FAM186A: variants seen among roughly 807,000 people sequenced by gnomAD.
FAM186A encodes the protein family with sequence similarity 186 member A, also known as protein FAM186A.
In FAM186A, 163 loss-of-function variants were observed where a neutral mutation model predicts 216.8. The ratio of observed to expected loss-of-function variants is 0.75; its 90% confidence interval spans 0.66 to 0.86. The LOEUF (loss-of-function observed/expected upper bound fraction) is 0.86. Among genes scored for constraint, FAM186A ranks in the 40% least tolerant of loss-of-function variants. FAM186A has a pLI of 0.00. For synonymous variants in FAM186A, 805 were observed against 1,025.3 expected (o/e 0.79, Z 4.10); for missense variants, 2,184 against 2,746.2 (o/e 0.80, Z 4.58).
At chr12:50,384,678 C>T (rs1281802508) in intron 1 of FAM186A, among the ~76,000 whole-genome samples, 2 of 151,870 alleles carry the variant, frequency 1.3e-5, no homozygotes, top group Non-Finnish European at 2.9e-5. Context: ...AGCAAAGATG[C>T]CAAAAACAAT....
Position 50,354,586 on chromosome 12 carries a change from G to C in FAM186A, c.2246C>G (p.Pro749Arg). The C allele has an allele frequency of 6.5e-7, 1 of 1,550,088 alleles. No individual in the cohort carries two copies. The highest frequency in any genetic ancestry group is 8.7e-7 in the Non-Finnish European group (1 of 1,146,686). ...TKKEEQVGEK[P>R]IKQKKVVSFM... is the part of the protein sequence containing the mutation. ...TGAGACTACCTTTTTTTGTTTTATA[G>C]GTTTCTCTCCAACTTGTTCTTCCTT... is the stretch of plus-strand genomic sequence containing the variant. Residue 749 changes from proline (P) to arginine (R), a missense_variant, in exon 4 of 8, where the codon CCT becomes CGT. Physicochemically the swap from Pro to Arg is moderately radical, Grantham distance 103. Coordinates refer to ENST00000327337, the MANE Select transcript of FAM186A (RefSeq NM_001145475.3).
At chr12:50,360,057 C>T (rs1248804108) in intron 3 of FAM186A, among the ~76,000 whole-genome samples, 2 of 151,924 alleles carry the variant, frequency 1.3e-5, no homozygotes, top group Non-Finnish European at 2.9e-5. Context: ...GTCTGGCCAA[C>T]ATGGTAAAAT....
rs977393943 is a variant in FAM186A at position 50,355,156 on chromosome 12, C to T, written c.1676G>A (p.Arg559His). ...KVKRESPFDK[R>H]PTAAEIKVEP... is the part of the protein sequence containing the mutation. ...CACTTTAATCTCTGCTGCAGTTGGA[C>T]GTTTGTCAAATGGAGATTCACGTTT... The change falls in exon 4 of 8, where the codon CGT becomes CAT. Residue 559 changes from arginine (R) to histidine (H), a missense_variant. Arg to His is a conservative substitution (Grantham distance 29, BLOSUM62 0). Transcript: ENST00000327337. The T allele has an allele frequency of 8.4e-6, 13 of 1,551,470 alleles. No individual in the cohort carries two copies. In the Admixed American group the frequency reaches 9.8e-5, roughly 12 times the overall value.
At chr12:50,368,324 C>T (rs964107515) in intron 1 of FAM186A, among the ~76,000 whole-genome samples, 2 of 151,520 alleles carry the variant, frequency 1.3e-5, no homozygotes, top group East Asian at 1.9e-4. Context: ...TTTCTTCACC[C>T]GGGAGGTGGA....
intron 7 of FAM186A, among the ~76,000 whole-genome samples, chr12:50,329,785 AG>A (rs1942639111): frequency 1.3e-5 from 2 of 152,144 alleles, no homozygotes; most frequent in East Asian, 1.9e-4. Flanking sequence ...TAGTAGAGAC[AG>A]GGTTTCACTA....
In FAM186A at chr12:50,354,558, A is replaced by G; in HGVS notation, c.2274T>C (p.Phe758=). ...KPIKQKKVVS[F]MPGLHFQKSP... ...ACTTCTGAAAATGCAATCCTGGCAT[A>G]AATGAGACTACCTTTTTTTGTTTTA... is the stretch of plus-strand genomic sequence containing the variant. Residue 758 remains phenylalanine, a synonymous_variant, in exon 4 of 8, where the codon TTT becomes TTC. Coordinates refer to ENST00000327337, the MANE Select transcript of FAM186A (RefSeq NM_001145475.3). The G allele has an allele frequency of 6.4e-7, 1 of 1,551,562 alleles. No homozygotes were observed.
chr12:50,354,101 C>T lies in FAM186A; in HGVS notation c.2731G>A (p.Gly911Arg). The T allele has an allele frequency of 6.4e-7, 1 of 1,551,702 alleles. No individual in the cohort carries two copies. Among genetic ancestry groups the T allele is most frequent in the South Asian group, 1.2e-5 (1 of 84,050 alleles). Residue 911 changes from glycine to arginine, a missense_variant, in exon 4 of 8, where the codon GGA becomes AGA. Gly to Arg is a moderately radical substitution (Grantham distance 125). This residue lies in a region of FAM186A where 1,132 missense variants were observed against 1,263.4 expected (regional missense o/e 0.90). Transcript: ENST00000327337. ...AEQEEKQKQR[G>R]QEEEELPKSS... ...TTTGGAAGCTCTTCTTCCTCCTGTC[C>T]TCTTTGCTTTTGCTTTTCCTCTTGC...
At chr12:50,332,546 T>G (rs1346806584) in intron 5 of FAM186A, among the ~76,000 whole-genome samples, 1 of 152,198 alleles carries the variant, frequency 6.6e-6, no homozygotes, top group Non-Finnish European at 1.5e-5. Flanking sequence ...CCTCATCCTC[T>G]GGATTCTGGC....
intron 1 of FAM186A, among the ~76,000 whole-genome samples, chr12:50,378,486 C>T (rs563741126): frequency 2.0e-5 from 3 of 151,198 alleles, no homozygotes; most frequent in Non-Finnish European, 2.9e-5. Context: ...GCCGAGATTT[C>T]ACCACTGCAC....
At chr12:50,392,705 T>G (rs1943371331) in intron 1 of FAM186A, 1 of 151,084 alleles carries the variant, frequency 6.6e-6, no homozygotes, top group Non-Finnish European at 1.5e-5. Context: ...TTCAAGCAAT[T>G]CTACTGCCTC....
chr12:50,381,288 G>A (rs1015989496), intron 1 of FAM186A, among the ~76,000 whole-genome samples: 5 of 152,146 alleles, frequency 3.3e-5, no homozygotes, highest in South Asian at 2.1e-4. Flanking sequence ...CCCACCATTC[G>A]GCAGGTCCCA....
At chr12:50,375,708 C>T (rs1943190944) in intron 1 of FAM186A, among the ~76,000 whole-genome samples, 2 of 115,330 alleles carry the variant, frequency 1.7e-5, no homozygotes, top group Non-Finnish European at 3.7e-5. Flanking sequence ...CAGAGGGAGA[C>T]TCCATCTCAA....
chr12:50,365,275 A>G (rs1305668046), intron 1 of FAM186A, among the ~76,000 whole-genome samples: 2 of 152,154 alleles, frequency 1.3e-5, no homozygotes, highest in East Asian at 3.8e-4. Context: ...TGTGTCTTTC[A>G]TATTTATTTT....
chr12:50,331,961 C>G (rs527892465), intron 5 of FAM186A, 140 bp from the exon 6 acceptor site: 149 of 671,962 alleles, frequency 2.2e-4, no homozygotes, highest in Non-Finnish European at 3.3e-5. Flanking sequence ...CTCCACCCAC[C>G]TCCAACATGC....
At chr12:50,331,591 G>A (rs562936425) in intron 6 of FAM186A, 79 bp downstream of exon 6, 203 of 1,303,014 alleles carry the variant, frequency 1.6e-4, no homozygotes, top group Non-Finnish European at 2.0e-4. Context: ...TGTGGAGAAA[G>A]GGAAGTTCTT....
At chr12:50,340,543 T>TA (rs969378246) in intron 4 of FAM186A, among the ~76,000 whole-genome samples, 3 of 151,388 alleles carry the variant, frequency 2.0e-5, no homozygotes, top group South Asian at 2.1e-4. Context: ...GATCCATCGC[T>TA]AAAAAAAATA....
chr12:50,349,214 T>C (rs1339103437), intron 4 of FAM186A, among the ~76,000 whole-genome samples: 1 of 150,860 alleles, frequency 6.6e-6, no homozygotes, highest in Non-Finnish European at 1.5e-5. Flanking sequence ...ACCATCCTTC[T>C]CTTTTTTTTT....
intron 1 of FAM186A, among the ~76,000 whole-genome samples, chr12:50,378,183 CATTA>C: frequency 6.7e-6 from 1 of 150,024 alleles, no homozygotes; most frequent in South Asian, 2.1e-4. Flanking sequence ...GAGATTGCGA[CATTA>C]CACTCCAGCC....
chr12:50,331,323 T>G (rs572311136), intron 6 of FAM186A, among the ~76,000 whole-genome samples: 1 of 152,314 alleles, frequency 6.6e-6, no homozygotes, highest in African/African-American at 2.4e-5. Context: ...CACCGCAACC[T>G]CTGCCACCCA....
Sources: allele counts gnomAD v4.1 joint callset (sites outside exome capture counted in the v4.1 genomes callset), GRCh38; gene constraint gnomAD v4.1.1; regional missense constraint gnomAD v4.1.1; transcripts MANE v1.5; gene names NCBI Gene and HGNC (gene_info 2026-07-23, HGNC 2026-07-21).